The following MDGA2 variants were observed in gnomAD, a reference collection of about 807,000 sequenced individuals.
MDGA2 encodes the protein MAM domain-containing glycosylphosphatidylinositol anchor protein 2.
A neutral mutation model predicts 117.8 loss-of-function variants in MDGA2; 40 were observed. That is an observed-to-expected ratio of 0.34 (90% CI 0.26 to 0.44). The LOEUF is 0.44. MDGA2 is among the 20% of genes least tolerant of loss of function. The pLI is 1.00. For missense variants in MDGA2, 1,123 were observed against 1,250.6 expected, an observed-to-expected ratio of 0.90 and a Z score of 1.54; for synonymous variants, 452 against 439.0, an observed-to-expected ratio of 1.03 and a Z score of -0.37.
rs182635407 is a variant in MDGA2, at chr14:47,194,451, T to C, written c.595+23570A>G. The stretch of plus-strand genomic sequence containing the variant: ...TTGATATATATATATTTTTTTACAG[T>C]ATCCACACTTCAAAGTTGTTGAGCC... On this transcript the variant is annotated intron_variant, in intron 3 of 16. Coordinates refer to ENST00000399232, the MANE Select transcript of MDGA2 (RefSeq NM_001113498.3). 6.6e-5 allele frequency among the ~76,000 whole-genome samples: 10 copies of C among 152,246 alleles called. No homozygotes were observed. The East Asian group carries it at 1.9e-3, about 29-fold the overall frequency.
At chr14:46,858,050 G>A (rs1051294598) in intron 14 of MDGA2, among the ~76,000 whole-genome samples, 3 of 151,370 alleles carry the variant, frequency 2.0e-5, no homozygotes, top group African/African-American at 7.3e-5. Flanking sequence ...GTATATTAAA[G>A]TACATATATA....
chr14:47,511,216 A>G (rs1386602850), intron 1 of MDGA2, among the ~76,000 whole-genome samples: 1 of 152,222 alleles, frequency 6.6e-6, no homozygotes, highest in Non-Finnish European at 1.5e-5. Context: ...ATGAAGGAAG[A>G]CAACTTACAT....
chr14:47,215,901 C>T (rs1246420951), intron 3 of MDGA2, among the ~76,000 whole-genome samples: 1 of 151,962 alleles, frequency 6.6e-6, no homozygotes, highest in Non-Finnish European at 1.5e-5. Flanking sequence ...CTTGTCAAGT[C>T]GAGGTTGCAT....
At chr14:46,940,362 C>T (rs1276181219) in intron 9 of MDGA2, among the ~76,000 whole-genome samples, 1 of 152,142 alleles carries the variant, frequency 6.6e-6, no homozygotes, top group African/African-American at 2.4e-5. Context: ...GGCGCGGTGG[C>T]TCACGCCTGT....
At chr14:47,170,868 A>AT (rs1182168853) in intron 3 of MDGA2, among the ~76,000 whole-genome samples, 6 of 152,144 alleles carry the variant, frequency 3.9e-5, no homozygotes, top group African/African-American at 1.2e-4. Context: ...AAAGAAGAAT[A>AT]TTTTTTAAGT....
chr14:47,608,572 G>C (rs1347062766), intron 1 of MDGA2, among the ~76,000 whole-genome samples: 1 of 152,132 alleles, frequency 6.6e-6, no homozygotes, highest in African/African-American at 2.4e-5. Flanking sequence ...ATATTAGTAG[G>C]AGATAGGCAC....
At chr14:47,221,165 C>A (rs1886285807) in intron 2 of MDGA2, among the ~76,000 whole-genome samples, 1 of 151,884 alleles carries the variant, frequency 6.6e-6, no homozygotes, top group Non-Finnish European at 1.5e-5. Context: ...AATAACCTAG[C>A]AAAACCTAGA....
At position 47,044,693 on chromosome 14, in the gene MDGA2, C is replaced by T. The variant is rs1167197283; in HGVS notation, c.1526-9389G>A. 4.6e-5 allele frequency among the ~76,000 whole-genome samples: 7 copies of T among 152,194 alleles called. No individual in the cohort carries two copies. The South Asian group carries it at 1.2e-3, about 27-fold the overall frequency. On this transcript the variant is annotated intron_variant, in intron 7 of 16. Transcript: ENST00000399232. ...CTCACACATAGTAAATCAGAAAATG[C>T]TAACTAAACAGGATTGACAATGTTT...
chr14:47,460,367 C>T (rs1893456812), intron 1 of MDGA2, among the ~76,000 whole-genome samples: 1 of 151,884 alleles, frequency 6.6e-6, no homozygotes, highest in Non-Finnish European at 1.5e-5. Context: ...TAAGTAGAAA[C>T]AAAAGAAAGG....
At position 47,638,471 on chromosome 14, in the gene MDGA2, G is replaced by T. The variant is rs147569283; in HGVS notation, c.280+36046C>A. 4.6e-5 allele frequency among the ~76,000 whole-genome samples: 7 copies of T among 152,170 alleles called. No individual in the cohort carries two copies. In the East Asian group the frequency reaches 1.2e-3, roughly 25 times the overall value. ...TGCAGGCTCTTTGGAACATGCAATTGCCAGTGTTAGGTAAGAAGTAGGAAT... is the reference window on the plus strand; with the variant it reads ...TGCAGGCTCTTTGGAACATGCAATTTCCAGTGTTAGGTAAGAAGTAGGAAT... On this transcript the variant is annotated intron_variant, in intron 1 of 16. Coordinates refer to ENST00000399232, the MANE Select transcript of MDGA2 (RefSeq NM_001113498.3).
At chr14:47,360,169 T>C (rs898311796) in intron 1 of MDGA2, among the ~76,000 whole-genome samples, 2 of 151,752 alleles carry the variant, frequency 1.3e-5, no homozygotes, top group African/African-American at 4.8e-5. Flanking sequence ...CTGACCAACA[T>C]GGAGAAACCC....
intron 8 of MDGA2, among the ~76,000 whole-genome samples, chr14:47,020,249 C>T (rs909818285): frequency 2.6e-5 from 4 of 152,148 alleles, no homozygotes; most frequent in Non-Finnish European, 5.9e-5. Flanking sequence ...TATGAAATTA[C>T]TGGAATCTAC....
intron 2 of MDGA2, among the ~76,000 whole-genome samples, chr14:47,297,533 G>A (rs1325060243): frequency 1.3e-5 from 2 of 148,632 alleles, no homozygotes; most frequent in African/African-American, 5.0e-5. Context: ...GGGAGGTTAG[G>A]AGGGGGGCAG....
rs1395002704 is a variant in MDGA2 at position 47,034,528 on chromosome 14, T to G, written c.1819+483A>C. Among the ~76,000 whole-genome samples, 3 of 152,138 alleles carry G rather than the reference T, an allele frequency of 2.0e-5. No homozygotes were observed. In the East Asian group the frequency reaches 5.8e-4, roughly 29 times the overall value. On this transcript the variant is annotated intron_variant, in intron 8 of 16. Transcript: ENST00000399232. The stretch of plus-strand genomic sequence containing the variant: ...CAAATATAACATTTCAATGATTAGA[T>G]CTCCATAATTTAAGCAAAGAGATGC...
intron 2 of MDGA2, among the ~76,000 whole-genome samples, chr14:47,221,545 G>A (rs746913676): frequency 3.9e-5 from 6 of 152,064 alleles, no homozygotes; most frequent in African/African-American, 9.6e-5. Context: ...AAAATTAGCC[G>A]GGAGTGGTGG....
intron 1 of MDGA2, among the ~76,000 whole-genome samples, chr14:47,483,886 G>A (rs964492046): frequency 1.3e-5 from 2 of 152,084 alleles, no homozygotes; most frequent in Non-Finnish European, 2.9e-5. Flanking sequence ...AAGTGCTGGA[G>A]TATTCCCACT....
chr14:47,605,653 A>C (rs1896729532), intron 1 of MDGA2, among the ~76,000 whole-genome samples: 1 of 152,214 alleles, frequency 6.6e-6, no homozygotes, highest in African/African-American at 2.4e-5. Context: ...AATGAAAAAA[A>C]AAAGATTAAT....
chr14:47,170,433 C>G (rs1884073971), intron 3 of MDGA2, among the ~76,000 whole-genome samples: 2 of 152,228 alleles, frequency 1.3e-5, no homozygotes, highest in East Asian at 1.9e-4. Flanking sequence ...TTTCACCCAA[C>G]TTTTACAAGA....
chr14:47,526,794 G>A (rs555234934), intron 1 of MDGA2, among the ~76,000 whole-genome samples: 67 of 152,090 alleles, frequency 4.4e-4, no homozygotes, highest in Non-Finnish European at 7.4e-4. Flanking sequence ...TGTTGTAAGC[G>A]TCTGACTTTA....
Sources: allele counts gnomAD v4.1 joint callset (sites outside exome capture counted in the v4.1 genomes callset), GRCh38; gene constraint gnomAD v4.1.1; transcripts MANE v1.5; gene names NCBI Gene and HGNC (gene_info 2026-07-23, HGNC 2026-07-21).